The following SUGCT variants were observed in gnomAD, a reference collection of about 807,000 sequenced individuals.
SUGCT encodes the protein succinyl-CoA:glutarate CoA-transferase.
A neutral mutation model predicts 55.0 loss-of-function variants in SUGCT; 41 were observed. The observed-to-expected ratio is 0.74, with a 90% CI of 0.58 to 0.97. SUGCT has a LOEUF of 0.97. SUGCT is among the 50% of genes least tolerant of loss of function. SUGCT has a pLI of 0.00. For synonymous variants in SUGCT, 187 were observed against 200.4 expected (o/e 0.93, Z 0.56); for missense variants, 568 against 547.8 (o/e 1.04, Z -0.37).
chr7:40,641,057 C>T (rs1253939444), intron 12 of SUGCT, among the ~76,000 whole-genome samples: 4 of 152,208 alleles, frequency 2.6e-5, no homozygotes, highest in East Asian at 1.9e-4. Context: ...AAATACCCTT[C>T]GTGATATCTC....
At chr7:40,890,758 A>G in the SUGCT span, among the ~76,000 whole-genome samples, 1 of 152,208 alleles carries the variant, frequency 6.6e-6, no homozygotes, top group Non-Finnish European at 1.5e-5. Context: ...CACAAGAAAC[A>G]TCAATAATCA....
intron 8 of SUGCT, among the ~76,000 whole-genome samples, chr7:40,289,301 T>G (rs979064791): frequency 6.6e-6 from 1 of 152,190 alleles, no homozygotes; most frequent in Non-Finnish European, 1.5e-5. Context: ...GGATACATTT[T>G]AAGATCCCCA....
At chr7:40,812,852 T>C (rs983815356) in intron 13 of SUGCT, among the ~76,000 whole-genome samples, 1 of 152,164 alleles carries the variant, frequency 6.6e-6, no homozygotes, top group Non-Finnish European at 1.5e-5. Flanking sequence ...GGTAGGTTTT[T>C]AGTGCTATAA....
intron 1 of SUGCT, among the ~76,000 whole-genome samples, chr7:40,171,384 C>T (rs1007788374): frequency 1.3e-5 from 2 of 152,114 alleles, no homozygotes; most frequent in East Asian, 3.9e-4. Context: ...TACTGCATAC[C>T]CATTGTGTTT....
chr7:40,215,417 G>T (rs1192803555), intron 6 of SUGCT, among the ~76,000 whole-genome samples: 1 of 152,054 alleles, frequency 6.6e-6, no homozygotes, highest in African/African-American at 2.4e-5. Context: ...GCCTCCCAAA[G>T]TACTGGGATT....
intron 10 of SUGCT, among the ~76,000 whole-genome samples, chr7:40,452,217 A>G (rs1013387394): frequency 1.4e-4 from 22 of 152,350 alleles, no homozygotes; most frequent in Non-Finnish European, 2.1e-4. Flanking sequence ...CTTGTTCATA[A>G]CAAGTCCTAC....
chr7:40,353,060 C>T (rs1240118937), intron 9 of SUGCT, among the ~76,000 whole-genome samples: 3 of 151,856 alleles, frequency 2.0e-5, no homozygotes, highest in South Asian at 2.1e-4. Flanking sequence ...TGCTTGTTGG[C>T]CACACGTGTC....
chr7:40,571,002 G>A (rs1050777947), intron 12 of SUGCT, among the ~76,000 whole-genome samples: 1 of 151,766 alleles, frequency 6.6e-6, no homozygotes, highest in African/African-American at 2.4e-5. Context: ...TGAGATTACA[G>A]GCACCTGCCA....
intron 12 of SUGCT, among the ~76,000 whole-genome samples, chr7:40,645,096 T>C (rs1422322220): frequency 6.6e-6 from 1 of 152,178 alleles, no homozygotes; most frequent in Non-Finnish European, 1.5e-5. Flanking sequence ...CCATCTGCTA[T>C]CTCCTGCTCC....
the SUGCT span, among the ~76,000 whole-genome samples, chr7:40,897,810 G>T: frequency 6.6e-6 from 1 of 152,148 alleles, no homozygotes; most frequent in Non-Finnish European, 1.5e-5. Context: ...CTAGCTAAAG[G>T]TTTGTAAACG....
intron 12 of SUGCT, among the ~76,000 whole-genome samples, chr7:40,552,148 G>C (rs17171730): frequency 0.26 from 39,356 of 152,054 alleles, 7,215 homozygotes; most frequent in African/African-American, 0.52. Flanking sequence ...TTCCATGTGA[G>C]TACACTGTGA....
chr7:40,376,134 T>A (rs1281772728), intron 9 of SUGCT, among the ~76,000 whole-genome samples: 1 of 152,184 alleles, frequency 6.6e-6, no homozygotes, highest in Non-Finnish European at 1.5e-5. Flanking sequence ...GATTAGTATA[T>A]TTTGGATGTA....
At chr7:40,245,417 A>ATTT in intron 7 of SUGCT, among the ~76,000 whole-genome samples, 1 of 26,170 alleles carries the variant, frequency 3.8e-5, no homozygotes. Context: ...ATATATATAT[A>ATTT]TATATATTTT....
rs187509694 is a variant in SUGCT at position 40,162,677 on chromosome 7, G to A, written c.101-18270G>A. Among the ~76,000 whole-genome samples the A allele has an allele frequency of 2.6e-5, 4 of 152,192 alleles. No individual in the cohort carries two copies. The East Asian group carries it at 7.7e-4, about 29-fold the overall frequency. On this transcript the variant is annotated intron_variant, in intron 1 of 13. Coordinates refer to ENST00000335693, the MANE Select transcript of SUGCT (RefSeq NM_001193313.2). ...CTTTTTATTTTTATTTGGCAAAGAT[G>A]GCATCTTGCTATGTTGTGCTGGTTG...
rs112149523 is a variant in SUGCT at position 40,217,117 on chromosome 7, G to A, written c.485-20518G>A. Among the ~76,000 whole-genome samples, 221 of 152,218 alleles carry A rather than the reference G, an allele frequency of 1.5e-3. 1 individual carries two copies. Among genetic ancestry groups the A allele is most frequent in the African/African-American group, 4.9e-3 (203 of 41,548 alleles). ...TTCTAGTCTGTTGTCTTAACTGCCTGATACTGTGATTAAGCTAGGGCCACA... is the reference window on the plus strand; with the variant it reads ...TTCTAGTCTGTTGTCTTAACTGCCTAATACTGTGATTAAGCTAGGGCCACA... On this transcript the variant is annotated intron_variant, in intron 6 of 13. Transcript: ENST00000335693.
intron 12 of SUGCT, among the ~76,000 whole-genome samples, chr7:40,725,324 C>T (rs563882038): frequency 7.0e-4 from 106 of 152,194 alleles, no homozygotes; most frequent in Admixed American, 5.2e-4. Context: ...ATGAAAAATG[C>T]GAGACCTTCT....
intron 13 of SUGCT, among the ~76,000 whole-genome samples, chr7:40,766,525 GTTCCTGCAAATCTAAA>G (rs1449678973): frequency 6.6e-6 from 1 of 152,032 alleles, no homozygotes; most frequent in African/African-American, 2.4e-5. Flanking sequence ...TTTTTTCTTT[GTTCCTGCAAATCTAAA>G]TTCCTGCAAA....
At chr7:40,767,615 T>C (rs566698145) in intron 13 of SUGCT, among the ~76,000 whole-genome samples, 81 of 152,204 alleles carry the variant, frequency 5.3e-4, no homozygotes, top group African/African-American at 1.8e-3. Context: ...ACCCATCAGG[T>C]GGGGCACAGT....
At chr7:40,662,594 C>CT (rs1801387743) in intron 12 of SUGCT, among the ~76,000 whole-genome samples, 1 of 152,162 alleles carries the variant, frequency 6.6e-6, no homozygotes, top group Non-Finnish European at 1.5e-5. Flanking sequence ...TTGCACATAA[C>CT]TATTTTTTTG....
Sources: allele counts gnomAD v4.1 joint callset (sites outside exome capture counted in the v4.1 genomes callset), GRCh38; gene constraint gnomAD v4.1.1; transcripts MANE v1.5; gene names NCBI Gene and HGNC (gene_info 2026-07-23, HGNC 2026-07-21).